PRDM16: variants seen among roughly 807,000 people sequenced by gnomAD.
The protein encoded by PRDM16 is histone-lysine N-methyltransferase PRDM16.
Under a neutral mutation model 110.6 loss-of-function variants are expected in PRDM16, and 23 were observed. That is an observed-to-expected ratio of 0.21 (90% CI 0.15 to 0.29). The LOEUF (loss-of-function observed/expected upper bound fraction) is 0.29. PRDM16 is among the 10% of genes least tolerant of loss of function. PRDM16 has a pLI of 1.00. For missense variants in PRDM16, 1,615 were observed against 1,794.3 expected, an observed-to-expected ratio of 0.90 and a Z score of 1.81; for synonymous variants, 799 against 781.8, an observed-to-expected ratio of 1.02 and a Z score of -0.37.
At chr1:3,091,458 C>T (rs534295814) in intron 1 of PRDM16, among the ~76,000 whole-genome samples, 9 of 152,342 alleles carry the variant, frequency 5.9e-5, no homozygotes, top group Non-Finnish European at 1.0e-4. Context: ...GACTCAGATC[C>T]AGGGGGAGTT....
intron 3 of PRDM16, among the ~76,000 whole-genome samples, chr1:3,313,619 TGCGAGGCCGTGCGGACCCC>T (rs1449596129): frequency 3.3e-5 from 5 of 152,214 alleles, no homozygotes; most frequent in Admixed American, 2.0e-4. Flanking sequence ...CACCTGCGCC[TGCGAGGCCGTGCGGACCCC>T]GCTCCACTCA....
At chr1:3,181,648 T>C (rs1030909862) in intron 1 of PRDM16, among the ~76,000 whole-genome samples, 1 of 133,304 alleles carries the variant, frequency 7.5e-6, no homozygotes, top group Non-Finnish European at 1.6e-5. Context: ...ACACACGGTC[T>C]TACACACGGT....
intron 1 of PRDM16, among the ~76,000 whole-genome samples, chr1:3,084,762 C>T (rs1376163840): frequency 1.3e-5 from 2 of 152,320 alleles, no homozygotes; most frequent in East Asian, 3.9e-4. Flanking sequence ...CAGCATCTTC[C>T]CTTCCAGCCT....
At chr1:3,196,764 G>A (rs541575184) in intron 2 of PRDM16, among the ~76,000 whole-genome samples, 2 of 152,358 alleles carry the variant, frequency 1.3e-5, no homozygotes, top group African/African-American at 4.8e-5. Context: ...AGCCCAGGAG[G>A]AGGCCCTGGG....
chr1:3,086,308 C>T (rs1301533830), intron 1 of PRDM16, among the ~76,000 whole-genome samples: 1 of 152,152 alleles, frequency 6.6e-6, no homozygotes, highest in African/African-American at 2.4e-5. Context: ...CCCCCAGGCT[C>T]AGAGTCCTCT....
chr1:3,233,451 C>CA (rs562270438), intron 2 of PRDM16, among the ~76,000 whole-genome samples: 1,791 of 152,318 alleles, frequency 0.012, 18 homozygotes, highest in South Asian at 0.035. Context: ...CGCTGCCACT[C>CA]ACAGTGAGCG....
chr1:3,159,661 G>C (rs1643883617), intron 1 of PRDM16, among the ~76,000 whole-genome samples: 1 of 152,210 alleles, frequency 6.6e-6, no homozygotes, highest in South Asian at 2.1e-4. Context: ...CACACGGGTG[G>C]GTGGTGGGCC....
Position 3,201,772 on chromosome 1 carries a change from C to T in PRDM16, c.387+15298C>T, listed in dbSNP as rs1032698266. On this transcript the variant is annotated intron_variant, in intron 2 of 16. Transcript: ENST00000270722. This position sits in a 1 kb window ranked among gnomAD's most constrained non-coding sequence, Gnocchi z 4.1. ...GGGTCGTGTCTGCCCCGCTTCCACG[C>T]GAGCCCTCTCCCACCTGGCCTCTGT... 1.3e-5 allele frequency among the ~76,000 whole-genome samples: 2 copies of T among 152,208 alleles called. No individual in the cohort carries two copies. Among genetic ancestry groups the T allele is most frequent in the Admixed American group, 6.5e-5 (1 of 15,282 alleles).
chr1:3,108,920 A>G (rs1642724544), intron 1 of PRDM16, among the ~76,000 whole-genome samples: 1 of 151,734 alleles, frequency 6.6e-6, no homozygotes, highest in Non-Finnish European at 1.5e-5. Flanking sequence ...AAAAAAATAC[A>G]AAAATACAAA....
chr1:3,094,625 C>A (rs902444371), intron 1 of PRDM16, among the ~76,000 whole-genome samples: 1 of 152,210 alleles, frequency 6.6e-6, no homozygotes, highest in Non-Finnish European at 1.5e-5. Context: ...GAGGAGGTGA[C>A]TTTCATGCTG....
chr1:3,294,302 C>T (rs1641039841), intron 3 of PRDM16, among the ~76,000 whole-genome samples: 1 of 152,116 alleles, frequency 6.6e-6, no homozygotes, highest in South Asian at 2.1e-4. Context: ...GGCTGGAGGG[C>T]ACCCCCGGAC....
chr1:3,125,164 G>T (rs1444741652), intron 1 of PRDM16, among the ~76,000 whole-genome samples: 1 of 152,252 alleles, frequency 6.6e-6, no homozygotes, highest in Non-Finnish European at 1.5e-5. Context: ...GACCATGTGC[G>T]CACCCCGCAG....
At chr1:3,116,081 C>T (rs927384461) in intron 1 of PRDM16, among the ~76,000 whole-genome samples, 21 of 152,178 alleles carry the variant, frequency 1.4e-4, no homozygotes, top group Non-Finnish European at 2.5e-4. Flanking sequence ...GCCCCTCACA[C>T]GGCAGGCGTC....
intron 1 of PRDM16, among the ~76,000 whole-genome samples, chr1:3,082,165 C>T (rs1269051460): frequency 1.3e-5 from 2 of 152,008 alleles, no homozygotes; most frequent in Admixed American, 6.5e-5. Context: ...GAGGCTGGCC[C>T]GGGGGCCCTG....
chr1:3,389,957 C>G (rs535049586), intron 4 of PRDM16, among the ~76,000 whole-genome samples: 1,804 of 127,228 alleles, frequency 0.014, 73 homozygotes, highest in South Asian at 0.043. Flanking sequence ...GCGCCCCCCC[C>G]CCCCCCCCAC....
intron 1 of PRDM16, among the ~76,000 whole-genome samples, chr1:3,126,374 A>G (rs2100673138): frequency 6.6e-6 from 1 of 152,182 alleles, no homozygotes; most frequent in South Asian, 2.1e-4. Context: ...GGCTCAGTCC[A>G]CTGCTCAGGT....
At chr1:3,321,347 T>C (rs1172978962) in intron 3 of PRDM16, among the ~76,000 whole-genome samples, 1 of 151,064 alleles carries the variant, frequency 6.6e-6, no homozygotes, top group East Asian at 2.0e-4. Context: ...TACATTTGTG[T>C]GTGGGTCTGT....
intron 5 of PRDM16, among the ~76,000 whole-genome samples, chr1:3,399,943 C>T (rs1213914614): frequency 6.6e-6 from 1 of 152,184 alleles, no homozygotes; most frequent in African/African-American, 2.4e-5. Flanking sequence ...CTTCCCAGGT[C>T]TGCGGGTTGG....
intron 1 of PRDM16, among the ~76,000 whole-genome samples, chr1:3,091,848 G>A (rs1316674696): frequency 6.6e-6 from 1 of 152,212 alleles, no homozygotes; most frequent in Non-Finnish European, 1.5e-5. Flanking sequence ...GAGAGAAAGG[G>A]CCTGTCCCCA....
Sources: allele counts gnomAD v4.1 joint callset (sites outside exome capture counted in the v4.1 genomes callset), GRCh38; gene constraint gnomAD v4.1.1; non-coding constraint Gnocchi (gnomAD v3.1); transcripts MANE v1.5; gene names NCBI Gene and HGNC (gene_info 2026-07-23, HGNC 2026-07-21).